Variants in CAST observed in about 807,000 individuals in gnomAD.
The protein encoded by CAST is calpastatin.
CAST carries 76 observed loss-of-function variants against 119.6 expected under a neutral mutation model. The observed-to-expected ratio is 0.64, with a 90% CI of 0.53 to 0.77. The LOEUF is 0.77. Among genes scored for constraint, CAST ranks in the 30% least tolerant of loss-of-function variants. The pLI is 0.00. For synonymous variants in CAST, 319 were observed against 331.6 expected, an observed-to-expected ratio of 0.96 and a Z score of 0.41; for missense variants, 953 against 946.5, an observed-to-expected ratio of 1.01 and a Z score of -0.09.
the CAST span, among the ~76,000 whole-genome samples, chr5:96,130,998 C>A: frequency 3.3e-5 from 5 of 151,994 alleles, no homozygotes; most frequent in African/African-American, 1.2e-4. Flanking sequence ...ATACATACAC[C>A]TTTATCTAGC....
Position 96,766,084 on chromosome 5 carries a change from T to C in CAST, c.2069T>C (p.Leu690Pro). Residue 690 changes from leucine to proline, a missense_variant, in exon 27 of 32, where the codon CTT (leucine) becomes CCT (proline). Coordinates refer to ENST00000675179, the MANE Select transcript of CAST (RefSeq NM_001750.7). Reference sequence around the variant, plus strand: ...GCTAAAGCTGAACATAGAGACAAGCTTGGAGAAAGAGATGACACTATCCCA... The same window carrying C: ...GCTAAAGCTGAACATAGAGACAAGCCTGGAGAAAGAGATGACACTATCCCA... ...EKAKAEHRDK[L>P]GERDDTIPPE... The C allele has an allele frequency of 6.2e-7, 1 of 1,610,784 alleles. No homozygotes were observed.
the CAST span, among the ~76,000 whole-genome samples, chr5:96,141,565 C>T: frequency 2.0e-5 from 3 of 152,178 alleles, no homozygotes; most frequent in Non-Finnish European, 4.4e-5. Context: ...GGAGCAAACG[C>T]GGACACCCAC....
At chr5:96,046,686 AT>A in the CAST span, among the ~76,000 whole-genome samples, 1 of 152,222 alleles carries the variant, frequency 6.6e-6, no homozygotes, top group Admixed American at 6.5e-5. Context: ...GTAATAAGAC[AT>A]GGTGTATTAG....
the CAST span, among the ~76,000 whole-genome samples, chr5:96,188,635 C>G: frequency 6.6e-6 from 1 of 152,082 alleles, no homozygotes; most frequent in East Asian, 1.9e-4. Context: ...CTTTCCCTCC[C>G]CCCTTTAATA....
chr5:96,662,351 G>A (rs943679938), upstream of CAST: 1 of 821,884 alleles, frequency 1.2e-6, no homozygotes, highest in Non-Finnish European at 1.5e-6. Context: ...CTCCCTGGCA[G>A]GACTCCCCGC....
chr5:96,512,763 C>T, the CAST span, among the ~76,000 whole-genome samples: 1 of 152,138 alleles, frequency 6.6e-6, no homozygotes, highest in South Asian at 2.1e-4. Flanking sequence ...TAAGCCATAA[C>T]AATTAAATAC....
chr5:96,473,981 G>A, the CAST span, among the ~76,000 whole-genome samples: 1 of 152,124 alleles, frequency 6.6e-6, no homozygotes, highest in Non-Finnish European at 1.5e-5. Context: ...AGGTAAGAAA[G>A]AGCCAGGTGA....
At chr5:96,087,547 AG>A in the CAST span, among the ~76,000 whole-genome samples, 2 of 152,218 alleles carry the variant, frequency 1.3e-5, no homozygotes, top group Non-Finnish European at 2.9e-5. Flanking sequence ...ATCCAAATTG[AG>A]CTGAATGACC....
intron 1 of CAST, among the ~76,000 whole-genome samples, chr5:96,664,410 T>C (rs1336766675): frequency 6.6e-6 from 1 of 151,286 alleles, no homozygotes; most frequent in Non-Finnish European, 1.5e-5. Flanking sequence ...AATATATATA[T>C]ATATGCACAC....
chr5:96,496,771 C>T, the CAST span, among the ~76,000 whole-genome samples: 21 of 152,128 alleles, frequency 1.4e-4, no homozygotes, highest in Non-Finnish European at 2.6e-4. Flanking sequence ...GGAAAATATT[C>T]GTCTTTAGAA....
chr5:96,758,822 G>A (rs1766973871), intron 24 of CAST, among the ~76,000 whole-genome samples: 1 of 152,116 alleles, frequency 6.6e-6, no homozygotes, highest in Non-Finnish European at 1.5e-5. Context: ...AAGCACTCCA[G>A]CCTTGATTTA....
intron 1 of CAST, among the ~76,000 whole-genome samples, chr5:96,570,336 A>G (rs1746546932): frequency 6.6e-6 from 1 of 152,142 alleles, no homozygotes; most frequent in Non-Finnish European, 1.5e-5. Context: ...AGAAGGAAAT[A>G]CTCTTTGGTA....
the CAST span, among the ~76,000 whole-genome samples, chr5:96,404,275 A>G: frequency 1.3e-5 from 2 of 152,206 alleles, no homozygotes; most frequent in Non-Finnish European, 2.9e-5. Flanking sequence ...AGCATTAAAA[A>G]GTGCCTGGGA....
the CAST span, among the ~76,000 whole-genome samples, chr5:96,487,545 C>T: frequency 6.6e-6 from 1 of 152,190 alleles, no homozygotes; most frequent in Non-Finnish European, 1.5e-5. Context: ...TGAGACAAAT[C>T]TATTCTCAGA....
the CAST span, among the ~76,000 whole-genome samples, chr5:96,288,212 G>A: frequency 1.3e-5 from 2 of 152,214 alleles, no homozygotes; most frequent in East Asian, 1.9e-4. Context: ...GTCTTTATAA[G>A]CAAATACTCT....
chr5:96,601,414 A>T (rs1327462007), intron 1 of CAST, among the ~76,000 whole-genome samples: 1 of 152,214 alleles, frequency 6.6e-6, no homozygotes, highest in African/African-American at 2.4e-5. Flanking sequence ...ATAAAGTCTC[A>T]CCCAGGACTC....
At chr5:96,478,838 CG>C in the CAST span, among the ~76,000 whole-genome samples, 1 of 152,204 alleles carries the variant, frequency 6.6e-6, no homozygotes, top group Admixed American at 6.5e-5. Context: ...AAGCTCAACT[CG>C]GCCACTGCAT....
At chr5:96,423,231 C>T in the CAST span, 1 of 1,353,832 alleles carries the variant, frequency 7.4e-7, no homozygotes, top group Non-Finnish European at 1.0e-6. Context: ...GAGCAGCATC[C>T]CCTTGAAAAG....
chr5:96,123,617 CA>C, the CAST span, among the ~76,000 whole-genome samples: 1 of 152,124 alleles, frequency 6.6e-6, no homozygotes, highest in African/African-American at 2.4e-5. Flanking sequence ...GATAGATTAG[CA>C]AAACAGTTGC....
Sources: allele counts gnomAD v4.1 joint callset (sites outside exome capture counted in the v4.1 genomes callset), GRCh38; gene constraint gnomAD v4.1.1; transcripts MANE v1.5; gene names NCBI Gene and HGNC (gene_info 2026-07-23, HGNC 2026-07-21).